Variants in ELMO1 observed in about 807,000 individuals in gnomAD.
ELMO1 encodes the protein engulfment and cell motility 1.
Under a neutral mutation model 98.9 loss-of-function variants are expected in ELMO1, and 26 were observed. That is an observed-to-expected ratio of 0.26 (90% CI 0.19 to 0.36). The LOEUF (loss-of-function observed/expected upper bound fraction) is 0.36. Ranked by LOEUF, ELMO1 falls within the 10% of genes least tolerant of loss-of-function variation. The probability of loss-of-function intolerance (pLI) is 1.00; values close to 1 mark genes in which losing one functional copy is unlikely to be tolerated. For missense variants in ELMO1, 627 were observed against 935.2 expected, an observed-to-expected ratio of 0.67 and a Z score of 4.30; for synonymous variants, 346 against 346.0, an observed-to-expected ratio of 1.00 and a Z score of 0.00.
chr7:37,184,510 ACG>A (rs1791079230), intron 13 of ELMO1, among the ~76,000 whole-genome samples: 1 of 152,106 alleles, frequency 6.6e-6, no homozygotes, highest in Admixed American at 6.5e-5. Flanking sequence ...AAAAGTGAAT[ACG>A]TTGACTGAAA....
intron 16 of ELMO1, among the ~76,000 whole-genome samples, chr7:36,989,702 G>A (rs994511966): frequency 6.6e-6 from 1 of 152,138 alleles, no homozygotes; most frequent in South Asian, 2.1e-4. Context: ...TAAAGTGGAG[G>A]GTGGGTAGAC....
chr7:37,385,469 A>C (rs562841844), intron 1 of ELMO1, among the ~76,000 whole-genome samples: 12 of 152,228 alleles, frequency 7.9e-5, no homozygotes, highest in African/African-American at 2.9e-4. Context: ...TTTCCATTCA[A>C]ATGTCACCTC....
chr7:37,089,349 C>CT (rs899634677), intron 15 of ELMO1, among the ~76,000 whole-genome samples: 9 of 151,682 alleles, frequency 5.9e-5, no homozygotes, highest in Admixed American at 1.3e-4. Context: ...TTCTTTCTTG[C>CT]TTTTTTTTAA....
intron 13 of ELMO1, among the ~76,000 whole-genome samples, chr7:37,195,433 G>A (rs1584793527): frequency 6.6e-6 from 1 of 152,192 alleles, no homozygotes; most frequent in South Asian, 2.1e-4. Flanking sequence ...GGCATGATCC[G>A]TTACTATCAA....
At chr7:37,107,524 C>T (rs59590977) in intron 14 of ELMO1, among the ~76,000 whole-genome samples, 22,770 of 152,172 alleles carry the variant, frequency 0.15, 3,062 homozygotes, top group African/African-American at 0.36. Flanking sequence ...TATTAAGCAA[C>T]AAATCTCAAG....
At chr7:37,213,495 G>A (rs765131283) in intron 11 of ELMO1, 38 bp from the exon 12 acceptor site, 2 of 1,560,614 alleles carry the variant, frequency 1.3e-6, no homozygotes, top group Non-Finnish European at 1.7e-6. Flanking sequence ...TTTTAAAAAA[G>A]AAAGAAAAGG....
intron 9 of ELMO1, among the ~76,000 whole-genome samples, 159 bp downstream of exon 9, chr7:37,224,720 T>C (rs963860702): frequency 6.6e-6 from 1 of 152,176 alleles, no homozygotes; most frequent in Non-Finnish European, 1.5e-5. Context: ...AAAGTAACCA[T>C]GCCATTCCAG....
chr7:36,979,789 T>G (rs1179746539), intron 16 of ELMO1, among the ~76,000 whole-genome samples: 5 of 152,198 alleles, frequency 3.3e-5, no homozygotes, highest in Non-Finnish European at 7.3e-5. Flanking sequence ...TGCTGGGACC[T>G]GTGGCCTAGA....
intron 10 of ELMO1, among the ~76,000 whole-genome samples, chr7:37,220,163 T>C (rs962926119): frequency 2.0e-5 from 3 of 152,242 alleles, no homozygotes; most frequent in Non-Finnish European, 4.4e-5. Context: ...TCATTATGAA[T>C]CTGAAATCCC....
rs1329490111 is a variant in ELMO1, at chr7:37,327,812, C to T, written c.79-11852G>A. Among the ~76,000 whole-genome samples, 2 of 152,104 alleles carry T rather than the reference C, an allele frequency of 1.3e-5. 1 individual carries two copies. On this transcript the variant is annotated intron_variant, in intron 2 of 21. Transcript: ENST00000310758. ...TTAATGGTGGCAACCTCAGGCAGAA[C>T]CTACAGCCCTGAAGAATAGTAACAC...
At chr7:37,291,534 T>C (rs1797679480) in intron 4 of ELMO1, among the ~76,000 whole-genome samples, 1 of 152,128 alleles carries the variant, frequency 6.6e-6, no homozygotes, top group Non-Finnish European at 1.5e-5. Flanking sequence ...GGACAAAGAA[T>C]GTATAGGCAG....
intron 2 of ELMO1, among the ~76,000 whole-genome samples, chr7:37,318,997 T>G (rs1583536743): frequency 6.6e-6 from 1 of 152,200 alleles, no homozygotes. Context: ...AGTTGCTCTT[T>G]TACCTGTAGC....
At chr7:37,174,963 A>G (rs938528702) in intron 13 of ELMO1, among the ~76,000 whole-genome samples, 2 of 152,162 alleles carry the variant, frequency 1.3e-5, no homozygotes, top group Non-Finnish European at 2.9e-5. Context: ...CCAAATTTAA[A>G]GCCTATTTTC....
intron 15 of ELMO1, 93 bp from the exon 16 acceptor site, chr7:37,013,528 C>T (rs569084264): frequency 3.3e-5 from 48 of 1,434,236 alleles, no homozygotes; most frequent in East Asian, 7.3e-5. Flanking sequence ...GGGAGACAAG[C>T]GGAGGTATCT....
intron 16 of ELMO1, among the ~76,000 whole-genome samples, chr7:36,906,270 C>T (rs1008553140): frequency 6.6e-6 from 1 of 152,180 alleles, no homozygotes; most frequent in Admixed American, 6.5e-5. Context: ...AGAGCCTACT[C>T]GTCAAGATTC....
intron 1 of ELMO1, among the ~76,000 whole-genome samples, chr7:37,357,644 T>C (rs1365383053): frequency 1.3e-5 from 2 of 152,226 alleles, no homozygotes; most frequent in East Asian, 1.9e-4. Flanking sequence ...AACAAACCTA[T>C]AGATTTTTTC....
At chr7:37,447,069 T>C (rs1805646182) in intron 1 of ELMO1, among the ~76,000 whole-genome samples, 2 of 151,842 alleles carry the variant, frequency 1.3e-5, no homozygotes, top group Admixed American at 6.6e-5. Context: ...GGCATGGAGG[T>C]GAGATAATAT....
intron 5 of ELMO1, among the ~76,000 whole-genome samples, chr7:37,266,007 G>A (rs1319886792): frequency 1.3e-5 from 2 of 152,130 alleles, no homozygotes. Flanking sequence ...CTACAAGGCA[G>A]GTAGCCCAAG....
At chr7:37,137,856 G>C (rs999330983) in intron 13 of ELMO1, among the ~76,000 whole-genome samples, 2 of 152,040 alleles carry the variant, frequency 1.3e-5, no homozygotes, top group African/African-American at 2.4e-5. Context: ...GTAAATTTAA[G>C]ATAACTGAAA....
Sources: allele counts gnomAD v4.1 joint callset (sites outside exome capture counted in the v4.1 genomes callset), GRCh38; gene constraint gnomAD v4.1.1; transcripts MANE v1.5; gene names NCBI Gene and HGNC (gene_info 2026-07-23, HGNC 2026-07-21).